Variants in WDR70 observed in about 807,000 individuals in gnomAD.
WDR70 encodes the protein WD repeat-containing protein 70.
Under a neutral mutation model 88.6 loss-of-function variants are expected in WDR70, and 53 were observed. The ratio of observed to expected loss-of-function variants is 0.60; its 90% CI spans 0.48 to 0.75. The LOEUF (loss-of-function observed/expected upper bound fraction) is 0.75. WDR70 is among the 30% of genes least tolerant of loss of function. The probability of loss-of-function intolerance (pLI) is 0.00; values close to 1 mark genes in which losing one functional copy is unlikely to be tolerated. For missense variants in WDR70, 610 were observed against 823.2 expected (o/e 0.74, Z 3.17); for synonymous variants, 280 against 270.0 (o/e 1.04, Z -0.36).
chr5:37,581,808 A>G (rs1483774681), intron 9 of WDR70, among the ~76,000 whole-genome samples: 1 of 152,292 alleles, frequency 6.6e-6, no homozygotes, highest in East Asian at 1.9e-4. Flanking sequence ...TGGACAGCAG[A>G]GAGGCAAAGC....
At chr5:37,566,722 A>G (rs1047921559) in intron 9 of WDR70, among the ~76,000 whole-genome samples, 3 of 152,292 alleles carry the variant, frequency 2.0e-5, no homozygotes, top group East Asian at 1.9e-4. Flanking sequence ...TGAATTAGCA[A>G]TTAGAAAGCT....
intron 9 of WDR70, among the ~76,000 whole-genome samples, chr5:37,564,311 G>A (rs893442596): frequency 3.3e-5 from 5 of 152,238 alleles, no homozygotes; most frequent in African/African-American, 1.2e-4. Flanking sequence ...ATCACTCGTG[G>A]TTAGGAGCTG....
chr5:37,751,794 T>A (rs535669221), intron 17 of WDR70, among the ~76,000 whole-genome samples: 1 of 152,216 alleles, frequency 6.6e-6, no homozygotes, highest in Admixed American at 6.5e-5. Context: ...ATGTGAGTAG[T>A]GTGAAAAGGG....
chr5:37,525,035 C>T (rs1333417737), intron 9 of WDR70, among the ~76,000 whole-genome samples: 2 of 152,162 alleles, frequency 1.3e-5, no homozygotes, highest in Non-Finnish European at 2.9e-5. Flanking sequence ...TAATGGGAGA[C>T]TTTAACACCC....
chr5:37,499,522 G>GT (rs1361870216), intron 8 of WDR70, among the ~76,000 whole-genome samples: 1 of 135,156 alleles, frequency 7.4e-6, no homozygotes, highest in Non-Finnish European at 1.6e-5. Flanking sequence ...TTGTTTTTCA[G>GT]TTTTTTTTTA....
chr5:37,380,058 A>T (rs1321198725), intron 2 of WDR70, among the ~76,000 whole-genome samples: 1 of 152,214 alleles, frequency 6.6e-6, no homozygotes, highest in Non-Finnish European at 1.5e-5. Context: ...CCCTACCAAC[A>T]CAGAGTAGGT....
intron 9 of WDR70, 111 bp from the exon 10 acceptor site, chr5:37,604,953 G>C (rs1743987457): frequency 1.1e-6 from 1 of 894,702 alleles, no homozygotes; most frequent in Non-Finnish European, 1.6e-6. Flanking sequence ...ATAATTATTA[G>C]ATTTATGTGC....
rs572357198 is a variant in WDR70 at position 37,730,099 on chromosome 5, T to A, written c.1877+3054T>A. 1.4e-3 allele frequency among the ~76,000 whole-genome samples: 214 copies of A among 152,278 alleles called. 2 individuals are homozygous for A. The highest frequency in any genetic ancestry group is 5.0e-3 in the African/African-American group (206 of 41,570). On this transcript the variant is annotated intron_variant, in intron 17 of 17. Coordinates refer to ENST00000265107, the MANE Select transcript of WDR70 (RefSeq NM_018034.4). Reference sequence around the variant, plus strand: ...TCTTTGGTGAAGTGTAATTACAACATATGAACACATGTATAGAGTAAAATG... The same window carrying A: ...TCTTTGGTGAAGTGTAATTACAACAAATGAACACATGTATAGAGTAAAATG...
chr5:37,703,428 C>T (rs1046951392), intron 13 of WDR70, among the ~76,000 whole-genome samples: 2 of 152,110 alleles, frequency 1.3e-5, no homozygotes. Context: ...TAGGGATTGT[C>T]GACAGAAGTG....
Position 37,637,352 on chromosome 5 carries a change from T to C in WDR70, c.1092+32114T>C, listed in dbSNP as rs574438881. ...AAAATAAATAAATTAAATAAATAAA[T>C]AAATAAATAAATAAATAAATAAATA... On this transcript the variant is annotated intron_variant, in intron 10 of 17. Transcript: ENST00000265107. Among the ~76,000 whole-genome samples, 289 of 135,274 alleles carry C rather than the reference T, an allele frequency of 2.1e-3. 1 individual carries two copies. Among genetic ancestry groups the C allele is most frequent in the African/African-American group, 7.7e-3 (274 of 35,502 alleles). 88.7% of individuals were successfully genotyped at this position (135,274 alleles called of 152,430 possible).
At chr5:37,470,947 G>A (rs1739309035) in intron 7 of WDR70, among the ~76,000 whole-genome samples, 1 of 151,726 alleles carries the variant, frequency 6.6e-6, no homozygotes, top group Non-Finnish European at 1.5e-5. Context: ...GAGTGCAGTG[G>A]CACAATCTCA....
At position 37,480,904 on chromosome 5, in the gene WDR70, T is replaced by C. The variant is rs1312002443; in HGVS notation, c.840+917T>C. Among the ~76,000 whole-genome samples, 7 of 152,342 alleles carry C rather than the reference T, an allele frequency of 4.6e-5. No homozygotes were observed. In the East Asian group the frequency reaches 9.6e-4, roughly 21 times the overall value. On this transcript the variant is annotated intron_variant, in intron 8 of 17. Coordinates refer to ENST00000265107, the MANE Select transcript of WDR70 (RefSeq NM_018034.4). ...AATCAAAAGCAAGTTAGTTACTTTC[T>C]AGATAAACAGGGATACAGGCTTTGG...
At chr5:37,391,955 G>A (rs1748832885) in intron 3 of WDR70, 45 bp from the exon 4 acceptor site, 1 of 1,573,934 alleles carries the variant, frequency 6.4e-7, no homozygotes, top group South Asian at 1.2e-5. Context: ...ATTTTGAATT[G>A]TAACCGTTGG....
chr5:37,708,562 T>C (rs1272177648), intron 13 of WDR70, among the ~76,000 whole-genome samples: 1 of 152,118 alleles, frequency 6.6e-6, no homozygotes, highest in East Asian at 1.9e-4. Flanking sequence ...TGTGTTCTTA[T>C]TAAGAGAGAA....
chr5:37,439,472 A>T (rs1056364176), intron 6 of WDR70, among the ~76,000 whole-genome samples: 4 of 152,118 alleles, frequency 2.6e-5, no homozygotes, highest in Non-Finnish European at 5.9e-5. Context: ...TACAACTGAG[A>T]GATGGGTCAT....
chr5:37,637,705 C>T (rs1010193405), intron 10 of WDR70, among the ~76,000 whole-genome samples: 10 of 152,162 alleles, frequency 6.6e-5, no homozygotes, highest in Admixed American at 6.5e-4. Context: ...AATCACGTCT[C>T]CCGATGCCAT....
chr5:37,689,730 T>A (rs944924869), intron 10 of WDR70, among the ~76,000 whole-genome samples: 9 of 152,084 alleles, frequency 5.9e-5, no homozygotes, highest in Non-Finnish European at 1.2e-4. Flanking sequence ...AGACCAAAGG[T>A]AGATAAAACC....
rs750982338 is a variant in WDR70 at position 37,618,556 on chromosome 5, G to C, written c.1092+13318G>C. Reference sequence around the variant, plus strand: ...GGCTAATTTTCATATTTTTAGTAGAGATGGGGTTTCATCATGTTGGCCAGG... The same window carrying C: ...GGCTAATTTTCATATTTTTAGTAGACATGGGGTTTCATCATGTTGGCCAGG... On this transcript the variant is annotated intron_variant, in intron 10 of 17. Coordinates refer to ENST00000265107, the MANE Select transcript of WDR70 (RefSeq NM_018034.4). Among the ~76,000 whole-genome samples, 124 of 152,226 alleles carry C rather than the reference G, an allele frequency of 8.1e-4. 2 individuals are homozygous for C. Among genetic ancestry groups the C allele is most frequent in the Middle Eastern group, 3.4e-3 (1 of 294 alleles).
chr5:37,726,340 T>C (rs768138065), intron 16 of WDR70, among the ~76,000 whole-genome samples: 1 of 152,206 alleles, frequency 6.6e-6, no homozygotes, highest in Non-Finnish European at 1.5e-5. Flanking sequence ...CCAGTCACTA[T>C]ACTAGCTGCT....
Sources: allele counts gnomAD v4.1 joint callset (sites outside exome capture counted in the v4.1 genomes callset), GRCh38; gene constraint gnomAD v4.1.1; transcripts MANE v1.5; gene names NCBI Gene and HGNC (gene_info 2026-07-23, HGNC 2026-07-21).